The following ALMS1 variants were observed in gnomAD, a reference collection of about 807,000 sequenced individuals.
The protein encoded by ALMS1 is centrosome-associated protein ALMS1.
Under a neutral mutation model 352.2 loss-of-function variants are expected in ALMS1, and 271 were observed. That is an observed-to-expected ratio of 0.77 (90% CI 0.70 to 0.85). The LOEUF is 0.85. Among genes scored for constraint, ALMS1 ranks in the 40% least tolerant of loss-of-function variants. ALMS1 has a pLI of 0.00. For synonymous variants in ALMS1, 1,865 were observed against 1,761.2 expected (o/e 1.06, Z -1.48); for missense variants, 5,445 against 4,870.7 (o/e 1.12, Z -3.51).
intron 7 of ALMS1, among the ~76,000 whole-genome samples, chr2:73,447,054 T>TTGTC (rs1028079043): frequency 2.8e-5 from 1 of 35,112 alleles, no homozygotes; most frequent in Non-Finnish European, 6.1e-5. Context: ...GTAGGGATTA[T>TTGTC]TGTCTGTTTA....
chr2:73,394,199 C>T (rs1171806348), intron 1 of ALMS1, among the ~76,000 whole-genome samples: 1 of 152,110 alleles, frequency 6.6e-6, no homozygotes, highest in Non-Finnish European at 1.5e-5. Flanking sequence ...TTTCCTTTTT[C>T]AAGATATTTT....
intron 2 of ALMS1, among the ~76,000 whole-genome samples, chr2:73,413,517 C>T (rs1030749898): frequency 1.3e-5 from 2 of 152,232 alleles, no homozygotes; most frequent in East Asian, 3.9e-4. Flanking sequence ...AAATGTTTAA[C>T]AGCATTCCTG....
chr2:73,558,770 TCTGA>T lies in ALMS1; in HGVS notation c.10214-198_10214-195del, dbSNP rs148168149. ...TTCTTTGAATACCGCTACCTCTTTTTCTGACTGTTTCTTACAGTATATCTGTTTA... is the reference window on the plus strand; with the variant it reads ...TTCTTTGAATACCGCTACCTCTTTTTCTGTTTCTTACAGTATATCTGTTTA... On this transcript the variant is annotated intron_variant, in intron 14 of 22. Coordinates refer to ENST00000613296, the MANE Select transcript of ALMS1 (RefSeq NM_001378454.1). 0.012 allele frequency among the ~76,000 whole-genome samples: 1,891 copies of T among 152,328 alleles called. 22 individuals carry two copies. Among genetic ancestry groups the T allele is most frequent in the Non-Finnish European group, 0.02 (1,390 of 68,030 alleles).
intron 10 of ALMS1, among the ~76,000 whole-genome samples, chr2:73,494,715 G>A (rs950487366): frequency 1.3e-5 from 2 of 152,228 alleles, no homozygotes; most frequent in Admixed American, 1.3e-4. Flanking sequence ...ACAACAGAGA[G>A]CACATTATGT....
At chr2:73,438,923 C>T (rs560631695) in intron 7 of ALMS1, among the ~76,000 whole-genome samples, 3 of 152,050 alleles carry the variant, frequency 2.0e-5, no homozygotes, top group South Asian at 2.1e-4. Flanking sequence ...CTTTGTCCCT[C>T]GTAATTTTCT....
chr2:73,454,110 A>T, intron 8 of ALMS1, 43 bp downstream of exon 8: 1 of 1,563,304 alleles, frequency 6.4e-7, no homozygotes. Flanking sequence ...TAGTTTAATA[A>T]TGTGTTTAAA....
chr2:73,592,424 TTTGA>T (rs765730640), intron 16 of ALMS1, among the ~76,000 whole-genome samples: 2 of 152,250 alleles, frequency 1.3e-5, no homozygotes, highest in Non-Finnish European at 2.9e-5. Context: ...ATACTTGCTG[TTTGA>T]TTGACACAGT....
At chr2:73,511,668 T>A (rs996363072) in intron 10 of ALMS1, among the ~76,000 whole-genome samples, 2 of 152,284 alleles carry the variant, frequency 1.3e-5, no homozygotes, top group African/African-American at 4.8e-5. Flanking sequence ...ATAAGTTTTT[T>A]ATTTCTCTAT....
At chr2:73,517,982 G>A (rs1425175692) in intron 10 of ALMS1, among the ~76,000 whole-genome samples, 1 of 151,922 alleles carries the variant, frequency 6.6e-6, no homozygotes, top group South Asian at 2.1e-4. Context: ...AAACTTTTAG[G>A]TTCAGGGGGT....
intron 2 of ALMS1, among the ~76,000 whole-genome samples, chr2:73,409,154 G>A (rs1671028791): frequency 6.6e-6 from 1 of 152,116 alleles, no homozygotes; most frequent in Non-Finnish European, 1.5e-5. Context: ...AGGATTACAG[G>A]AGTGAGCCAC....
intron 11 of ALMS1, among the ~76,000 whole-genome samples, chr2:73,520,326 T>G (rs1268817137): frequency 6.6e-6 from 1 of 152,222 alleles, no homozygotes; most frequent in Non-Finnish European, 1.5e-5. Flanking sequence ...GAGGTCTGCT[T>G]TTAAAATGGC....
chr2:73,429,578 T>C (rs930485491), intron 6 of ALMS1, among the ~76,000 whole-genome samples: 2 of 152,136 alleles, frequency 1.3e-5, no homozygotes, highest in African/African-American at 2.4e-5. Context: ...CCACCGTGCC[T>C]GGCCTAATAT....
intron 2 of ALMS1, among the ~76,000 whole-genome samples, chr2:73,413,360 G>A (rs1671117650): frequency 6.6e-6 from 1 of 151,956 alleles, no homozygotes; most frequent in South Asian, 2.1e-4. Flanking sequence ...TATTTCTTGT[G>A]TACTATCTGA....
chr2:73,497,604 G>C (rs1043810092), intron 10 of ALMS1, among the ~76,000 whole-genome samples: 2 of 151,960 alleles, frequency 1.3e-5, no homozygotes, highest in African/African-American at 2.4e-5. Context: ...CTAAAAAAAT[G>C]TACCTACCTT....
chr2:73,534,389 T>A (rs1309188731), intron 11 of ALMS1, among the ~76,000 whole-genome samples: 3 of 152,166 alleles, frequency 2.0e-5, no homozygotes, highest in Non-Finnish European at 4.4e-5. Context: ...TATAAGGGCT[T>A]AATTATGACC....
intron 12 of ALMS1, among the ~76,000 whole-genome samples, chr2:73,541,744 A>C (rs1377222022): frequency 6.6e-6 from 1 of 152,252 alleles, no homozygotes; most frequent in Non-Finnish European, 1.5e-5. Flanking sequence ...AAACACCTCT[A>C]TGCGAATAAA....
chr2:73,554,750 C>G (rs866084390), intron 13 of ALMS1, among the ~76,000 whole-genome samples: 1 of 151,932 alleles, frequency 6.6e-6, no homozygotes, highest in Non-Finnish European at 1.5e-5. Context: ...ATGAGGGGAG[C>G]GTGTAAGTTT....
At chr2:73,466,761 A>G (rs1306646161) in intron 9 of ALMS1, among the ~76,000 whole-genome samples, 1 of 152,180 alleles carries the variant, frequency 6.6e-6, no homozygotes, top group Non-Finnish European at 1.5e-5. Context: ...ATGTGGATAA[A>G]TAAAGCTAAA....
chr2:73,550,571 T>C (rs1674409248), intron 13 of ALMS1, 134 bp downstream of exon 13: 1 of 1,083,060 alleles, frequency 9.2e-7, no homozygotes, highest in Admixed American at 2.7e-5. Flanking sequence ...ATTGAGCATA[T>C]ACAAGAAGGC....
Sources: gnomAD v4.1 joint callset for allele counts (sites outside exome capture counted in the v4.1 genomes callset) on GRCh38, gnomAD v4.1.1 for gene constraint, MANE v1.5 for transcripts, NCBI Gene and HGNC (gene_info 2026-07-23, HGNC 2026-07-21) for gene names.